The following NFIA variants were observed in gnomAD, a reference collection of about 807,000 sequenced individuals.
The protein encoded by NFIA is nuclear factor I A, also known as nuclear factor 1 A-type.
A neutral mutation model predicts 62.8 loss-of-function variants in NFIA; 8 were observed. That is an observed-to-expected ratio of 0.13 (90% CI 0.07 to 0.23). The LOEUF is 0.23. Ranked by LOEUF, NFIA falls within the 10% of genes least tolerant of loss-of-function variation. NFIA has a pLI of 1.00. For synonymous variants in NFIA, 235 were observed against 238.1 expected (o/e 0.99, Z 0.12); for missense variants, 410 against 642.1 (o/e 0.64, Z 3.91).
At chr1:61,451,644 G>A (rs2100589095) in intron 10 of NFIA, among the ~76,000 whole-genome samples, 1 of 152,302 alleles carries the variant, frequency 6.6e-6, no homozygotes, top group Non-Finnish European at 1.5e-5. Context: ...TGGGAGTGTG[G>A]ATTTGTGGAC....
chr1:61,177,279 A>G (rs188757039), intron 2 of NFIA, among the ~76,000 whole-genome samples: 8 of 152,304 alleles, frequency 5.3e-5, no homozygotes, highest in Admixed American at 2.0e-4. Context: ...GGGTCTCTCT[A>G]TTTATGAAAA....
chr1:61,411,957 G>A (rs1209972511), intron 9 of NFIA, among the ~76,000 whole-genome samples: 1 of 151,884 alleles, frequency 6.6e-6, no homozygotes, highest in African/African-American at 2.4e-5. Flanking sequence ...CCTTGGGGAT[G>A]TAAATTACAC....
chr1:61,447,219 C>T (rs1333450308), intron 10 of NFIA, among the ~76,000 whole-genome samples: 2 of 151,980 alleles, frequency 1.3e-5, no homozygotes, highest in Non-Finnish European at 2.9e-5. Flanking sequence ...TCATTTTTTG[C>T]CTTTGGGGGA....
chr1:61,382,202 C>T (rs186083599), intron 6 of NFIA, among the ~76,000 whole-genome samples: 1 of 152,030 alleles, frequency 6.6e-6, no homozygotes, highest in East Asian at 1.9e-4. Context: ...TTAATTGGCA[C>T]CCTATCAAAC....
intron 9 of NFIA, among the ~76,000 whole-genome samples, chr1:61,423,733 A>T (rs755558260): frequency 2.6e-5 from 4 of 152,172 alleles, no homozygotes; most frequent in Non-Finnish European, 5.9e-5. Flanking sequence ...TAATTCCCTT[A>T]TCCAATTGTT....
At chr1:61,398,663 C>T (rs1416051852) in intron 7 of NFIA, among the ~76,000 whole-genome samples, 1 of 152,150 alleles carries the variant, frequency 6.6e-6, no homozygotes, top group Non-Finnish European at 1.5e-5. Context: ...TGGCTCACCT[C>T]GAGTCAAAAG....
rs146587151 is a variant in NFIA, at chr1:61,402,232, G to T, written c.1076-1872G>T. ...TTTTTGTATTTTTAGTAGAGATGGG[G>T]TTTCACCGTGTTACCCAGGGTGGTC... On this transcript the variant is annotated intron_variant, in intron 7 of 10. Transcript: ENST00000403491. 5.8e-3 allele frequency among the ~76,000 whole-genome samples: 873 copies of T among 151,606 alleles called. 21 individuals are homozygous for T. Among genetic ancestry groups the T allele is most frequent in the East Asian group, 0.029 (147 of 5,120 alleles).
At chr1:61,454,730 C>T (rs1291960506) in intron 10 of NFIA, among the ~76,000 whole-genome samples, 1 of 152,146 alleles carries the variant, frequency 6.6e-6, no homozygotes, top group African/African-American at 2.4e-5. Flanking sequence ...GCACTTTTTC[C>T]ACCTTACCTC....
chr1:61,442,075 A>G (rs975144400), intron 10 of NFIA, among the ~76,000 whole-genome samples: 1 of 152,138 alleles, frequency 6.6e-6, no homozygotes, highest in Non-Finnish European at 1.5e-5. Flanking sequence ...AATCTGGACT[A>G]TCCCCTCGCA....
Position 61,113,616 on chromosome 1 carries a change from AG to A in NFIA, c.559+24937del, listed in dbSNP as rs1295770901. 6.1e-3 allele frequency among the ~76,000 whole-genome samples: 902 copies of A among 148,476 alleles called. 34 individuals carry two copies. The highest frequency in any genetic ancestry group is 0.052 in the Admixed American group (756 of 14,590). On this transcript the variant is annotated intron_variant, in intron 2 of 10. Coordinates refer to ENST00000403491, the MANE Select transcript of NFIA (RefSeq NM_001134673.4). ...TCTCAGAAAAAAAAAAAAAAAAAAA[AG>A]AGAATATGTTTGGTAGAAATCTGAA...
intron 2 of NFIA, among the ~76,000 whole-genome samples, chr1:61,274,872 T>A (rs1006065120): frequency 3.9e-5 from 6 of 152,138 alleles, no homozygotes; most frequent in Non-Finnish European, 8.8e-5. Flanking sequence ...CCATGCATCC[T>A]CAGCAGAGAA....
rs1304912303 is a variant in NFIA, at chr1:61,462,529, G to A, written c.*7209G>A. On this transcript the variant is annotated 3_prime_UTR_variant, in exon 11 of 11. Coordinates refer to ENST00000403491, the MANE Select transcript of NFIA (RefSeq NM_001134673.4). ...ATGAGCCGGGCCCCCTGTGCCTCTA[G>A]TATACTTGTATTGACTCTCATAGTT... 6.6e-6 allele frequency: 1 copy of A among 152,210 alleles called. No homozygotes were observed. The highest frequency in any genetic ancestry group is 2.4e-5 in the African/African-American group (1 of 41,444). The allele number at this position is 152,210 out of a possible 1,614,324, so 9.4% of individuals were successfully genotyped here.
intron 2 of NFIA, among the ~76,000 whole-genome samples, chr1:61,101,037 A>G (rs1028029752): frequency 3.3e-5 from 5 of 152,002 alleles, no homozygotes; most frequent in African/African-American, 1.2e-4. Context: ...TATATCAAAA[A>G]TATTTTTGTA....
chr1:61,141,357 T>C (rs1647517068), intron 2 of NFIA, among the ~76,000 whole-genome samples: 1 of 152,162 alleles, frequency 6.6e-6, no homozygotes, highest in African/African-American at 2.4e-5. Context: ...GTCACCATTC[T>C]TAACCCTGTC....
At chr1:61,161,113 C>T (rs1453547698) in intron 2 of NFIA, among the ~76,000 whole-genome samples, 1 of 152,174 alleles carries the variant, frequency 6.6e-6, no homozygotes, top group Non-Finnish European at 1.5e-5. Context: ...TGGGATTTCA[C>T]CATATTGGCC....
intron 2 of NFIA, among the ~76,000 whole-genome samples, chr1:61,144,967 C>T (rs1368469556): frequency 1.3e-5 from 2 of 152,186 alleles, no homozygotes; most frequent in African/African-American, 4.8e-5. Context: ...CTCAGTTTAG[C>T]CACTGCTTTT....
intron 2 of NFIA, among the ~76,000 whole-genome samples, chr1:61,262,489 AG>A (rs1371884033): frequency 6.6e-6 from 1 of 152,222 alleles, no homozygotes; most frequent in Non-Finnish European, 1.5e-5. Context: ...TTAAAACAAA[AG>A]GCATGTTGAT....
chr1:61,221,068 A>G (rs1194832885), intron 2 of NFIA, among the ~76,000 whole-genome samples: 2 of 152,138 alleles, frequency 1.3e-5, no homozygotes, highest in Non-Finnish European at 2.9e-5. Context: ...CCATTTTTTA[A>G]TTTACTAAGT....
chr1:61,406,552 C>CCG lies in NFIA; in HGVS notation c.1255-9_1255-8insGC, dbSNP rs1553183246. On this transcript the variant is annotated splice_polypyrimidine_tract_variant and intron_variant, in intron 8 of 10. Transcript: ENST00000403491. ...TGTACGTGTGTTTTCTGCCCCCCCC[C>CCG]CCCCCACAGCCCAATGGGAGCAGCC... 2 of 1,250,838 alleles carry CCG rather than the reference C, an allele frequency of 1.6e-6. No individual in the cohort carries two copies. Among genetic ancestry groups the CCG allele is most frequent in the South Asian group, 1.5e-5 (1 of 68,148 alleles). 77.5% of individuals were successfully genotyped at this position (1,250,838 alleles called of 1,614,324 possible).
Sources: gnomAD v4.1 joint callset for allele counts (sites outside exome capture counted in the v4.1 genomes callset) on GRCh38, gnomAD v4.1.1 for gene constraint, MANE v1.5 for transcripts, NCBI Gene and HGNC (gene_info 2026-07-23, HGNC 2026-07-21) for gene names.